The following THAP6 variants were observed in gnomAD, a reference collection of about 807,000 sequenced individuals.
THAP6 encodes THAP domain containing 6.
In THAP6, 13 loss-of-function variants were observed where a neutral mutation model predicts 20.0. The observed-to-expected ratio is 0.65, with a 90% confidence interval of 0.42 to 1.03. The LOEUF (loss-of-function observed/expected upper bound fraction) is 1.03. Ranked by LOEUF, THAP6 falls within the 50% of genes least tolerant of loss-of-function variation. The probability of loss-of-function intolerance (pLI) is 0.00; values close to 1 mark genes in which losing one functional copy is unlikely to be tolerated. For missense variants in THAP6, 262 were observed against 261.6 expected (o/e 1.00, Z -0.01); for synonymous variants, 93 against 92.2 (o/e 1.01, Z -0.05).
chr4:75,538,621 G>C (rs1487241026), intron 2 of THAP6, among the ~76,000 whole-genome samples: 1 of 152,210 alleles, frequency 6.6e-6, no homozygotes, highest in Non-Finnish European at 1.5e-5. Flanking sequence ...AGCCATTGAT[G>C]CCTCTTGTTG....
intron 3 of THAP6, among the ~76,000 whole-genome samples, chr4:75,518,311 A>C (rs1351520811): frequency 6.6e-6 from 1 of 152,252 alleles, no homozygotes; most frequent in African/African-American, 2.4e-5. Context: ...TAAAATAATC[A>C]CATAATCCAT....
chr4:75,527,600 T>C lies in THAP6; in HGVS notation c.*386T>C. The C allele has an allele frequency of 2.7e-5, 27 of 1,014,116 alleles. No individual in the cohort carries two copies. The highest frequency in any genetic ancestry group is 3.2e-5 in the Non-Finnish European group (27 of 846,752). The allele number at this position is 1,014,116 out of a possible 1,614,324, so 62.8% of individuals were successfully genotyped here. On this transcript the variant is annotated 3_prime_UTR_variant, in exon 5 of 5. Transcript: ENST00000311638. ...ACCTTTACTTACATGTGCTTTATGG[T>C]AAGTACATTGAATTTTACTTTAAAT...
At chr4:75,519,777 C>T (rs1222996393) in intron 3 of THAP6, among the ~76,000 whole-genome samples, 14 of 151,524 alleles carry the variant, frequency 9.2e-5, no homozygotes, top group South Asian at 6.3e-4. Flanking sequence ...TGAATAATGC[C>T]GCAATAAACA....
At chr4:75,517,023 T>TC in intron 3 of THAP6, 44 bp downstream of exon 3, 1 of 1,466,416 alleles carries the variant, frequency 6.8e-7, no homozygotes, top group Non-Finnish European at 9.3e-7. Flanking sequence ...TCACTTTTTT[T>TC]TTTTTTTTTT....
At chr4:75,531,626 C>G (rs114989690), downstream of THAP6, among the ~76,000 whole-genome samples, 4 of 151,980 alleles carry the variant, frequency 2.6e-5, no homozygotes, top group Non-Finnish European at 5.9e-5. Context: ...AAGACATACC[C>G]GAGACTGAGC....
intron 3 of THAP6, among the ~76,000 whole-genome samples, chr4:75,547,056 A>G (rs1365374268): frequency 6.6e-6 from 1 of 152,062 alleles, no homozygotes; most frequent in Non-Finnish European, 1.5e-5. Flanking sequence ...AGAGCTAAAG[A>G]CCCCTGGGTA....
At chr4:75,523,718 T>G (rs761659666) in intron 4 of THAP6, among the ~76,000 whole-genome samples, 4 of 151,220 alleles carry the variant, frequency 2.6e-5, no homozygotes, top group African/African-American at 4.9e-5. Flanking sequence ...GGAGGATCGC[T>G]TGAGCCCTGG....
intron 3 of THAP6, among the ~76,000 whole-genome samples, chr4:75,521,063 C>T (rs1578264411): frequency 6.6e-6 from 1 of 151,838 alleles, no homozygotes; most frequent in East Asian, 1.9e-4. Context: ...TTTTTCTCCC[C>T]TTTCTCCCAC....
At chr4:75,517,911 C>G (rs1305818309) in intron 3 of THAP6, among the ~76,000 whole-genome samples, 2 of 152,134 alleles carry the variant, frequency 1.3e-5, no homozygotes, top group African/African-American at 4.8e-5. Context: ...TTGATTGATT[C>G]CAATGTGGAA....
intron 3 of THAP6, among the ~76,000 whole-genome samples, chr4:75,543,501 T>G (rs1490435063): frequency 6.6e-6 from 1 of 152,222 alleles, no homozygotes; most frequent in Non-Finnish European, 1.5e-5. Context: ...GTGCCTCCTT[T>G]CCAGTCATTC....
At chr4:75,525,552 T>C (rs188864176) in intron 4 of THAP6, among the ~76,000 whole-genome samples, 1 of 152,350 alleles carries the variant, frequency 6.6e-6, no homozygotes, top group African/African-American at 2.4e-5. Context: ...AATTGTCTGC[T>C]AATTCTAACA....
At chr4:75,536,286 G>C (rs1361618057) in intron 2 of THAP6, among the ~76,000 whole-genome samples, 1 of 152,118 alleles carries the variant, frequency 6.6e-6, no homozygotes, top group African/African-American at 2.4e-5. Flanking sequence ...CCAACATGGA[G>C]AAACCCCATC....
Position 75,529,094 on chromosome 4 carries a change from T to A in THAP6, c.*1880T>A. 1.0e-6 allele frequency: 1 copy of A among 967,690 alleles called. No individual in the cohort carries two copies. Among genetic ancestry groups the A allele is most frequent in the East Asian group, 1.1e-4 (1 of 8,706 alleles). The allele number at this position is 967,690 out of a possible 1,614,324, so 59.9% of individuals were successfully genotyped here. A position where few individuals can be genotyped will look rare whatever the true frequency, so the allele number is the denominator to read the frequency against. On this transcript the variant is annotated 3_prime_UTR_variant, in exon 5 of 5. Transcript: ENST00000311638. The stretch of plus-strand genomic sequence containing the variant: ...TTTCATTAATTACCCATTATTTATT[T>A]TAGTTACTTAATTTTGAGTTCATAA...
chr4:75,532,238 G>A (rs137869970), downstream of THAP6, among the ~76,000 whole-genome samples: 641 of 152,274 alleles, frequency 4.2e-3, 3 homozygotes, highest in African/African-American at 0.015. Context: ...AAAACAAAGA[G>A]GCTACAGGCC....
At chr4:75,522,758 C>T (rs890862098) in intron 4 of THAP6, among the ~76,000 whole-genome samples, 2 of 152,078 alleles carry the variant, frequency 1.3e-5, no homozygotes, top group Admixed American at 1.3e-4. Flanking sequence ...TGTGTTGTTA[C>T]AAATGTCTAA....
At chr4:75,523,080 C>T (rs1288930911) in intron 4 of THAP6, among the ~76,000 whole-genome samples, 1 of 152,176 alleles carries the variant, frequency 6.6e-6, no homozygotes, top group East Asian at 1.9e-4. Context: ...GTACAGGGTT[C>T]CTTTTTCTCC....
At chr4:75,531,270 T>G (rs553600252), downstream of THAP6, among the ~76,000 whole-genome samples, 79 of 152,302 alleles carry the variant, frequency 5.2e-4, no homozygotes, top group Middle Eastern at 3.4e-3. Context: ...GAACATTGAA[T>G]CTTTAATGAG....
At chr4:75,542,040 G>A (rs1041118780) in intron 2 of THAP6, among the ~76,000 whole-genome samples, 5 of 151,906 alleles carry the variant, frequency 3.3e-5, no homozygotes, top group Non-Finnish European at 7.4e-5. Context: ...TCATCCCCCT[G>A]GGACATTGGC....
At chr4:75,520,116 G>A (rs560995560) in intron 3 of THAP6, among the ~76,000 whole-genome samples, 21 of 152,214 alleles carry the variant, frequency 1.4e-4, no homozygotes, top group Non-Finnish European at 2.2e-4. Context: ...TTTTGGCTGC[G>A]TAAATATCTT....
Sources: allele counts gnomAD v4.1 joint callset (sites outside exome capture counted in the v4.1 genomes callset), GRCh38; gene constraint gnomAD v4.1.1; transcripts MANE v1.5; gene names NCBI Gene and HGNC (gene_info 2026-07-23, HGNC 2026-07-21).